The following IGFBP4 variants were observed in gnomAD, a reference collection of about 807,000 sequenced individuals.
IGFBP4 encodes insulin like growth factor binding protein 4.
A neutral mutation model predicts 25.8 loss-of-function variants in IGFBP4; 9 were observed. The ratio of observed to expected loss-of-function variants is 0.35; its 90% CI spans 0.21 to 0.61. IGFBP4 has a LOEUF of 0.61. IGFBP4 is among the 20% of genes least tolerant of loss of function. The probability of loss-of-function intolerance (pLI) is 0.77; values close to 1 mark genes in which losing one functional copy is unlikely to be tolerated. For missense variants in IGFBP4, 315 were observed against 365.3 expected, an observed-to-expected ratio of 0.86 and a Z score of 1.12; for synonymous variants, 153 against 153.9, an observed-to-expected ratio of 0.99 and a Z score of 0.05.
In IGFBP4 at chr17:40,456,867, G is replaced by A; in HGVS notation, c.*284G>A. On this transcript the variant is annotated 3_prime_UTR_variant, in exon 4 of 4. Coordinates refer to ENST00000269593, the MANE Select transcript of IGFBP4 (RefSeq NM_001552.3). ...TAGCCCAAGAGGTCTGAGCCCTGGT[G>A]TGTTTCCAGATCGATCCTGGATTCA... is the stretch of plus-strand genomic sequence containing the variant. 1 of 432,072 alleles carries A rather than the reference G, an allele frequency of 2.3e-6. No homozygotes were observed. The highest frequency in any genetic ancestry group is 4.1e-6 in the Non-Finnish European group (1 of 244,058). 26.8% of individuals were successfully genotyped at this position (432,072 alleles called of 1,614,324 possible).
At chr17:40,448,446 C>T (rs944626698) in intron 1 of IGFBP4, among the ~76,000 whole-genome samples, 2 of 152,218 alleles carry the variant, frequency 1.3e-5, no homozygotes, top group Non-Finnish European at 2.9e-5. Flanking sequence ...GAGGACCAAG[C>T]CTACTTGGAA....
At chr17:40,452,373 ACT>A (rs750177439) in intron 1 of IGFBP4, among the ~76,000 whole-genome samples, 1 of 152,024 alleles carries the variant, frequency 6.6e-6, no homozygotes, top group Non-Finnish European at 1.5e-5. Context: ...TTACACACAC[ACT>A]CACACACACA....
intron 1 of IGFBP4, among the ~76,000 whole-genome samples, chr17:40,444,922 CACACAGAGACAGAGAGAG>C (rs1336701448): frequency 7.1e-5 from 6 of 84,196 alleles, no homozygotes; most frequent in South Asian, 8.8e-4. Flanking sequence ...CACACACACA[CACACAGAGACAGAGAGAG>C]AGAGAGAGAG....
Position 40,456,659 on chromosome 17 carries a change from GGAGTCT to G in IGFBP4, c.*88_*93del, listed in dbSNP as rs1429342302. 5 of 1,447,060 alleles carry G rather than the reference GGAGTCT, an allele frequency of 3.5e-6. No individual in the cohort carries two copies. The highest frequency in any genetic ancestry group is 2.3e-5 in the East Asian group (1 of 43,274). The allele number at this position is 1,447,060 out of a possible 1,614,324, so 89.6% of individuals were successfully genotyped here. A position where few individuals can be genotyped will look rare whatever the true frequency, so the allele number is the denominator to read the frequency against. On this transcript the variant is annotated 3_prime_UTR_variant, in exon 4 of 4. Transcript: ENST00000269593. ...GGAGGCTGCAGAGCTGACCCAGAGT[GGAGTCT>G]GAGTCTGAGTCCTGTCTCTGCCTGC...
chr17:40,443,590 G>A lies in IGFBP4; in HGVS notation c.-146G>A. On this transcript the variant is annotated 5_prime_UTR_variant, in exon 1 of 4. Transcript: ENST00000269593. ...CCGCTACGTCCCCGTTCGCCCGCCGGGCCGCCCCGTCTCCCCGCGCCCTCC... is the reference window on the plus strand; with the variant it reads ...CCGCTACGTCCCCGTTCGCCCGCCGAGCCGCCCCGTCTCCCCGCGCCCTCC... 4.7e-6 allele frequency: 1 copy of A among 212,182 alleles called. No individual in the cohort carries two copies. 13.1% of individuals were successfully genotyped at this position (212,182 alleles called of 1,614,324 possible).
rs2035621127 is a variant in IGFBP4 at position 40,443,522 on chromosome 17, G to C, written c.-214G>C. The C allele has an allele frequency of 6.2e-6, 1 of 161,310 alleles. No homozygotes were observed. The highest frequency in any genetic ancestry group is 6.4e-5 in the Admixed American group (1 of 15,582). 10.0% of individuals were successfully genotyped at this position (161,310 alleles called of 1,614,324 possible). A position where few individuals can be genotyped will look rare whatever the true frequency, so the allele number is the denominator to read the frequency against. On this transcript the variant is annotated 5_prime_UTR_variant, in exon 1 of 4. Coordinates refer to ENST00000269593, the MANE Select transcript of IGFBP4 (RefSeq NM_001552.3). ...GGCCGAGGATGCGGCGCAGCGCCTC[G>C]GCGGCCAGGCTTGCTCCCCTCCGGC...
At chr17:40,444,926 C>CAGAGAG (rs1272915770) in intron 1 of IGFBP4, among the ~76,000 whole-genome samples, 5 of 62,776 alleles carry the variant, frequency 8.0e-5, no homozygotes, top group Admixed American at 2.0e-4. Context: ...CACACACACA[C>CAGAGAG]AGAGACAGAG....
chr17:40,454,383 C>T (rs2035703498), intron 3 of IGFBP4, among the ~76,000 whole-genome samples: 1 of 152,200 alleles, frequency 6.6e-6, no homozygotes, highest in Admixed American at 6.5e-5. Context: ...CCTAGCAACC[C>T]TGACAACCTC....
chr17:40,456,490 T>C lies in IGFBP4; in HGVS notation c.684T>C (p.Cys228=). The part of the protein sequence containing the change: ...ALDGQRGKCW[C]VDRKTGVKLP... The stretch of plus-strand genomic sequence containing the variant: ...ATGGGCAGCGTGGCAAGTGCTGGTG[T>C]GTGGACCGGAAGACGGGGGTGAAGC... Residue 228 remains cysteine (C), a synonymous_variant, in exon 4 of 4, where the codon TGT becomes TGC. Transcript: ENST00000269593. 1.9e-6 allele frequency: 3 copies of C among 1,613,756 alleles called. No individual in the cohort carries two copies. The highest frequency in any genetic ancestry group is 2.5e-6 in the Non-Finnish European group (3 of 1,179,874).
chr17:40,448,157 C>T (rs2035660858), intron 1 of IGFBP4, among the ~76,000 whole-genome samples: 1 of 152,250 alleles, frequency 6.6e-6, no homozygotes, highest in Admixed American at 6.5e-5. Context: ...CTCTGGATCA[C>T]AGCTGAAACT....
At chr17:40,449,341 C>G (rs1006584886) in intron 1 of IGFBP4, among the ~76,000 whole-genome samples, 1 of 152,144 alleles carries the variant, frequency 6.6e-6, no homozygotes, top group Admixed American at 6.5e-5. Flanking sequence ...AAAAGCTCAG[C>G]ACTGTGGCTC....
intron 1 of IGFBP4, among the ~76,000 whole-genome samples, chr17:40,452,476 G>C (rs1421466080): frequency 6.6e-6 from 1 of 152,176 alleles, no homozygotes; most frequent in Non-Finnish European, 1.5e-5. Flanking sequence ...AGTTCTCATT[G>C]CTCATGGAAA....
chr17:40,452,129 T>C (rs1206683742), intron 1 of IGFBP4, among the ~76,000 whole-genome samples: 3 of 152,140 alleles, frequency 2.0e-5, no homozygotes, highest in Non-Finnish European at 4.4e-5. Context: ...TGAGCCACAA[T>C]GCCCCATTTG....
chr17:40,448,676 A>G (rs1413888481), intron 1 of IGFBP4, among the ~76,000 whole-genome samples: 2 of 152,196 alleles, frequency 1.3e-5, no homozygotes, highest in Non-Finnish European at 2.9e-5. Context: ...AAGAGACTCA[A>G]TGCTATAACC....
intron 1 of IGFBP4, among the ~76,000 whole-genome samples, chr17:40,450,259 C>T (rs967991727): frequency 2.6e-5 from 4 of 152,166 alleles, no homozygotes; most frequent in African/African-American, 9.7e-5. Context: ...TTCGGCCTTC[C>T]AAAGTGTTGG....
In IGFBP4 at chr17:40,443,731, C is replaced by A; in HGVS notation, c.-5C>A. The A allele has an allele frequency of 3.5e-6, 5 of 1,437,884 alleles. No individual in the cohort carries two copies. The highest frequency in any genetic ancestry group is 3.1e-5 in the Admixed American group (1 of 32,282). The allele number at this position is 1,437,884 out of a possible 1,614,324, so 89.1% of individuals were successfully genotyped here. ...CCCGCGCCCGCGCCCAGTCCTCGGG[C>A]GGTCATGCTGCCCCTCTGCCTCGTG... is the stretch of plus-strand genomic sequence containing the variant. On this transcript the variant is annotated 5_prime_UTR_variant, in exon 1 of 4. Coordinates refer to ENST00000269593, the MANE Select transcript of IGFBP4 (RefSeq NM_001552.3).
intron 1 of IGFBP4, among the ~76,000 whole-genome samples, chr17:40,448,478 T>C (rs780079905): frequency 2.0e-5 from 3 of 152,192 alleles, no homozygotes; most frequent in Non-Finnish European, 4.4e-5. Flanking sequence ...CAAACAAGCT[T>C]TTTGGAGGTC....
chr17:40,456,882 T>G lies in IGFBP4; in HGVS notation c.*299T>G, dbSNP rs1052549000. 2.3e-5 allele frequency: 9 copies of G among 384,394 alleles called. No individual in the cohort carries two copies. Among genetic ancestry groups the G allele is most frequent in the Non-Finnish European group, 3.7e-5 (8 of 214,676 alleles). 23.8% of individuals were successfully genotyped at this position (384,394 alleles called of 1,614,324 possible). A position where few individuals can be genotyped will look rare whatever the true frequency, so the allele number is the denominator to read the frequency against. On this transcript the variant is annotated 3_prime_UTR_variant, in exon 4 of 4. Transcript: ENST00000269593. ...GAGCCCTGGTGTGTTTCCAGATCGA[T>G]CCTGGATTCACTCACTCACTCATTC...
rs1344051329 is a variant in IGFBP4 at position 40,457,148 on chromosome 17, AAGCGTGGGGT to A, written c.*569_*578del. On this transcript the variant is annotated 3_prime_UTR_variant, in exon 4 of 4. Transcript: ENST00000269593. ...CTAGCCAGAGGGTGGGAGCCTAAGG[AAGCGTGGGGT>A]AGCAGATGGAGTAATGGTCACGAGG... The A allele has an allele frequency of 6.6e-6, 1 of 152,274 alleles. No homozygotes were observed. The highest frequency in any genetic ancestry group is 1.9e-4 in the East Asian group (1 of 5,198). The allele number at this position is 152,274 out of a possible 1,614,324, so 9.4% of individuals were successfully genotyped here.
Sources: allele counts gnomAD v4.1 joint callset (sites outside exome capture counted in the v4.1 genomes callset), GRCh38; gene constraint gnomAD v4.1.1; transcripts MANE v1.5; gene names NCBI Gene and HGNC (gene_info 2026-07-23, HGNC 2026-07-21).